The following IMPG2 variants were observed in gnomAD, a reference collection of about 807,000 sequenced individuals.
IMPG2 encodes the protein interphotoreceptor matrix proteoglycan 2, also known as IPM 200.
Under a neutral mutation model 129.2 loss-of-function variants are expected in IMPG2, and 91 were observed. That is an observed-to-expected ratio of 0.70 (90% confidence interval 0.59 to 0.84). The LOEUF (loss-of-function observed/expected upper bound fraction) is 0.84. Among genes scored for constraint, IMPG2 ranks in the 40% least tolerant of loss-of-function variants. IMPG2 has a pLI of 0.00. For missense variants in IMPG2, 1,430 were observed against 1,461.7 expected, an observed-to-expected ratio of 0.98 and a Z score of 0.35; for synonymous variants, 510 against 517.7, an observed-to-expected ratio of 0.99 and a Z score of 0.20.
intron 3 of IMPG2, among the ~76,000 whole-genome samples, chr3:101,292,339 C>T (rs476090): frequency 0.72 from 109,211 of 152,060 alleles, 40,376 homozygotes; most frequent in East Asian, 0.84. Flanking sequence ...CAAATAAAAG[C>T]TCAATAAAGC....
chr3:101,301,913 A>G (rs1707142884), intron 3 of IMPG2, among the ~76,000 whole-genome samples: 1 of 152,196 alleles, frequency 6.6e-6, no homozygotes, highest in African/African-American at 2.4e-5. Context: ...CCTGCAACTT[A>G]CCTACCTACA....
intron 10 of IMPG2, among the ~76,000 whole-genome samples, chr3:101,254,323 G>A (rs1045238471): frequency 3.9e-5 from 6 of 152,042 alleles, no homozygotes; most frequent in Admixed American, 2.6e-4. Flanking sequence ...ATCCTTGCTA[G>A]TTACCACAGG....
intron 4 of IMPG2, among the ~76,000 whole-genome samples, chr3:101,278,329 G>A (rs1706859260): frequency 6.6e-6 from 1 of 152,128 alleles, no homozygotes; most frequent in Non-Finnish European, 1.5e-5. Flanking sequence ...TCATAGACGT[G>A]CCCAGGTCTG....
chr3:101,242,400 A>G (rs1228642932), intron 14 of IMPG2, among the ~76,000 whole-genome samples: 1 of 152,226 alleles, frequency 6.6e-6, no homozygotes, highest in African/African-American at 2.4e-5. Context: ...AGGCATAGCA[A>G]GAATAGATCC....
intron 3 of IMPG2, among the ~76,000 whole-genome samples, chr3:101,301,017 G>C (rs1707134873): frequency 6.6e-6 from 1 of 152,158 alleles, no homozygotes; most frequent in African/African-American, 2.4e-5. Flanking sequence ...TTATTAACTG[G>C]CCTAATCTCA....
At chr3:101,308,511 A>C (rs1232924242) in intron 2 of IMPG2, among the ~76,000 whole-genome samples, 1 of 152,246 alleles carries the variant, frequency 6.6e-6, no homozygotes, top group Admixed American at 6.5e-5. Flanking sequence ...CAACAGCTTG[A>C]GCATTATGTT....
chr3:101,305,537 A>G (rs1391831328), intron 2 of IMPG2, among the ~76,000 whole-genome samples: 3 of 152,156 alleles, frequency 2.0e-5, no homozygotes. Flanking sequence ...CATATGCCAC[A>G]ATATTATAAA....
Position 101,245,955 on chromosome 3 carries a change from A to G in IMPG2, c.1390T>C (p.Leu464=), listed in dbSNP as rs1267456005. The G allele has an allele frequency of 6.2e-7, 1 of 1,614,184 alleles. No individual in the cohort carries two copies. Among genetic ancestry groups the G allele is most frequent in the Admixed American group, 1.7e-5 (1 of 60,022 alleles). Residue 464 remains leucine, a synonymous_variant, in exon 12 of 19, where the codon TTA becomes CTA. Coordinates refer to ENST00000193391, the MANE Select transcript of IMPG2 (RefSeq NM_016247.4). ...AGGCCCATCTTCGAGGGAAAGGCTA[A>G]TTTGTGTGTAGACACTAAATCACCC... ...PLGDLVSTHK[L]AFPSKMGLSS...
At chr3:101,313,482 AT>A (rs1244127549) in intron 2 of IMPG2, among the ~76,000 whole-genome samples, 3 of 152,132 alleles carry the variant, frequency 2.0e-5, no homozygotes, top group Non-Finnish European at 2.9e-5. Flanking sequence ...AGAGCTTTCT[AT>A]TTTGAGAAGA....
intron 7 of IMPG2, among the ~76,000 whole-genome samples, chr3:101,271,941 T>C (rs1255901066): frequency 1.3e-5 from 2 of 152,172 alleles, no homozygotes; most frequent in Non-Finnish European, 1.5e-5. Context: ...GAAAGTCGCC[T>C]GTGGAGCATA....
intron 10 of IMPG2, among the ~76,000 whole-genome samples, chr3:101,256,126 GAGAAAGAAAGAAAGAAAGAAAAGAAAGAA>G (rs1559646263): frequency 8.8e-5 from 6 of 68,060 alleles, no homozygotes; most frequent in African/African-American, 3.5e-4. Context: ...AAAAGAAAGA[GAGAAAGAAAGAAAGAAAGAAAAGAAAGAA>G]AGAAAGAAAG....
intron 15 of IMPG2, among the ~76,000 whole-genome samples, chr3:101,232,472 A>G (rs1350101897): frequency 6.6e-6 from 1 of 152,060 alleles, no homozygotes; most frequent in African/African-American, 2.4e-5. Flanking sequence ...TCCCGACCTC[A>G]GGTGATCCAC....
Position 101,320,384 on chromosome 3 carries a change from C to A in IMPG2, c.-12G>T, listed in dbSNP as rs781381246. ...GGAAACATAATCATTTGGGCCAAAA[C>A]CAAAGGAATGAGGAGAGGACAGAAT... On this transcript the variant is annotated 5_prime_UTR_variant, in exon 1 of 19. Transcript: ENST00000193391. 43 of 1,552,900 alleles carry A rather than the reference C, an allele frequency of 2.8e-5. No individual in the cohort carries two copies. In the South Asian group the frequency reaches 4.7e-4, roughly 17 times the overall value.
intron 11 of IMPG2, among the ~76,000 whole-genome samples, chr3:101,248,623 C>T (rs1706510564): frequency 6.6e-6 from 1 of 152,200 alleles, no homozygotes; most frequent in African/African-American, 2.4e-5. Flanking sequence ...TTTGTCCCTT[C>T]CCCTAGTGAC....
chr3:101,306,084 A>T (rs1707186184), intron 2 of IMPG2, among the ~76,000 whole-genome samples: 1 of 152,204 alleles, frequency 6.6e-6, no homozygotes, highest in Non-Finnish European at 1.5e-5. Flanking sequence ...TTTCCAGTAT[A>T]CTAGTTTGAT....
At chr3:101,298,147 A>G (rs1341515048) in intron 3 of IMPG2, among the ~76,000 whole-genome samples, 1 of 152,130 alleles carries the variant, frequency 6.6e-6, no homozygotes, top group Non-Finnish European at 1.5e-5. Flanking sequence ...CTTTACTATT[A>G]TGTAATGCCC....
At chr3:101,254,228 CACCAAAAAT>C (rs1706575228) in intron 10 of IMPG2, among the ~76,000 whole-genome samples, 1 of 152,046 alleles carries the variant, frequency 6.6e-6, no homozygotes, top group Admixed American at 6.6e-5. Context: ...TGAGCTAGGA[CACCAAAAAT>C]CTTTGTCACT....
rs754615164 is a variant in IMPG2, at chr3:101,243,846, C to T, written c.2485G>A (p.Asp829Asn). Residue 829 changes from aspartate to asparagine, a missense_variant, in exon 13 of 19, where the codon GAT (aspartate) becomes AAT (asparagine). Transcript: ENST00000193391. ...TCCTGTACACCCATAATTACTTCAT[C>T]CTCTAGCAGGGTGGAGATTGTGGTT... ...PPTTISTLLE[D>N]EVIMGVQDIS... The T allele has an allele frequency of 1.4e-5, 22 of 1,614,032 alleles. No homozygotes were observed. The highest frequency in any genetic ancestry group is 1.9e-5 in the Non-Finnish European group (22 of 1,180,024).
chr3:101,250,249 C>T (rs559994518), intron 11 of IMPG2, among the ~76,000 whole-genome samples: 6 of 152,078 alleles, frequency 3.9e-5, no homozygotes, highest in Non-Finnish European at 7.4e-5. Flanking sequence ...ATTCTGAGTC[C>T]TCAAGAACAT....
Sources: allele counts gnomAD v4.1 joint callset (sites outside exome capture counted in the v4.1 genomes callset), GRCh38; gene constraint gnomAD v4.1.1; transcripts MANE v1.5; gene names NCBI Gene and HGNC (gene_info 2026-07-23, HGNC 2026-07-21).